The following ADD3 variants were observed in gnomAD, a reference collection of about 807,000 sequenced individuals.
ADD3 encodes the protein adducin 3.
A neutral mutation model predicts 80.2 loss-of-function variants in ADD3; 25 were observed. The observed-to-expected ratio is 0.31, with a 90% CI of 0.23 to 0.44. The LOEUF is 0.44. Among genes scored for constraint, ADD3 ranks in the 20% least tolerant of loss-of-function variants. The probability of loss-of-function intolerance (pLI) is 1.00; values close to 1 mark genes in which losing one functional copy is unlikely to be tolerated. For missense variants in ADD3, 829 were observed against 847.5 expected, an observed-to-expected ratio of 0.98 and a Z score of 0.27; for synonymous variants, 284 against 289.6, an observed-to-expected ratio of 0.98 and a Z score of 0.20.
intron 1 of ADD3, among the ~76,000 whole-genome samples, chr10:110,056,850 C>G (rs907214467): frequency 6.6e-6 from 1 of 152,122 alleles, no homozygotes; most frequent in Non-Finnish European, 1.5e-5. Flanking sequence ...GCACCTGGAG[C>G]AAAGGAAAAA....
chr10:110,099,397 C>T (rs1170966742), intron 1 of ADD3, among the ~76,000 whole-genome samples: 1 of 152,180 alleles, frequency 6.6e-6, no homozygotes, highest in African/African-American at 2.4e-5. Context: ...TTTCCTACCC[C>T]TTCTCCCTTC....
chr10:110,044,372 A>G (rs930846928), intron 1 of ADD3, among the ~76,000 whole-genome samples: 1 of 152,220 alleles, frequency 6.6e-6, no homozygotes, highest in Non-Finnish European at 1.5e-5. Context: ...AGTGAGAATC[A>G]TATATTTTTA....
intron 12 of ADD3, among the ~76,000 whole-genome samples, chr10:110,128,582 A>AT (rs112957764): frequency 1.3e-5 from 2 of 151,328 alleles, no homozygotes; most frequent in African/African-American, 4.9e-5. Context: ...TGCCCGACTA[A>AT]TTTTTTTTGT....
At chr10:110,044,080 G>A (rs1461446870) in intron 1 of ADD3, among the ~76,000 whole-genome samples, 1 of 152,166 alleles carries the variant, frequency 6.6e-6, no homozygotes, top group Non-Finnish European at 1.5e-5. Flanking sequence ...ACACACGCCT[G>A]TAGTCCCAGC....
intron 1 of ADD3, among the ~76,000 whole-genome samples, chr10:110,057,809 T>G (rs1858392264): frequency 6.6e-6 from 1 of 152,228 alleles, no homozygotes; most frequent in South Asian, 2.1e-4. Flanking sequence ...ATCACTGTAA[T>G]TTAAAGAATA....
intron 11 of ADD3, 127 bp downstream of exon 11, chr10:110,126,072 G>A: frequency 2.0e-6 from 2 of 1,009,080 alleles, no homozygotes; most frequent in Admixed American, 5.5e-5. Flanking sequence ...ATTTAATTCA[G>A]TATAATTTTA....
chr10:110,087,953 G>A (rs1374376136), intron 1 of ADD3, among the ~76,000 whole-genome samples: 1 of 152,116 alleles, frequency 6.6e-6, no homozygotes, highest in African/African-American at 2.4e-5. Flanking sequence ...TCTATTCCAT[G>A]CCCCTCCCCG....
intron 1 of ADD3, among the ~76,000 whole-genome samples, chr10:110,026,000 T>C (rs751327806): frequency 5.9e-5 from 9 of 151,702 alleles, no homozygotes; most frequent in Non-Finnish European, 1.3e-4. Context: ...GTCAGGATCT[T>C]TCTTGTTTTC....
intron 6 of ADD3, 82 bp downstream of exon 6, chr10:110,118,818 T>C (rs1199874261): frequency 7.3e-6 from 10 of 1,369,428 alleles, no homozygotes; most frequent in Admixed American, 2.1e-5. Flanking sequence ...TGCTTTACTA[T>C]CTGCTTTTCA....
intron 1 of ADD3, among the ~76,000 whole-genome samples, chr10:109,999,773 C>T (rs896183319): frequency 5.3e-5 from 8 of 151,956 alleles, no homozygotes; most frequent in South Asian, 2.1e-4. Flanking sequence ...AATATTGATA[C>T]GACAGTTATT....
Position 110,104,300 on chromosome 10 carries a change from TG to T in ADD3, c.195+3454del, listed in dbSNP as rs1849176551. Among the ~76,000 whole-genome samples, 6 of 152,332 alleles carry T rather than the reference TG, an allele frequency of 3.9e-5. No homozygotes were observed. In the South Asian group the frequency reaches 1.2e-3, roughly 32 times the overall value. On this transcript the variant is annotated intron_variant, in intron 2 of 14. Coordinates refer to ENST00000356080, the MANE Select transcript of ADD3 (RefSeq NM_016824.5). ...ACTATTTACCAGGACTGAACCTCCC[TG>T]GTGCTTGGCTCTGCCCACTAGGTTC...
chr10:110,032,987 TAA>T (rs1168861507), intron 1 of ADD3, among the ~76,000 whole-genome samples: 1 of 152,212 alleles, frequency 6.6e-6, no homozygotes, highest in Non-Finnish European at 1.5e-5. Flanking sequence ...CTAGGCTTTA[TAA>T]AAGAGACAGT....
intron 1 of ADD3, among the ~76,000 whole-genome samples, chr10:110,011,011 C>A (rs745388785): frequency 6.6e-6 from 1 of 152,042 alleles, no homozygotes; most frequent in African/African-American, 2.4e-5. Context: ...TCTTTTGATA[C>A]ACAACATATG....
intron 1 of ADD3, among the ~76,000 whole-genome samples, chr10:110,019,331 A>G (rs1340890430): frequency 1.3e-5 from 2 of 149,046 alleles, no homozygotes; most frequent in African/African-American, 4.9e-5. Flanking sequence ...TATTCAAGAC[A>G]TTTTGAGCAA....
intron 1 of ADD3, among the ~76,000 whole-genome samples, chr10:110,098,696 C>A (rs577590134): frequency 1.3e-5 from 2 of 151,778 alleles, no homozygotes; most frequent in South Asian, 4.2e-4. Flanking sequence ...ATGGCGTGAT[C>A]TCAGCTCACT....
chr10:110,020,932 A>G (rs1319018833), intron 1 of ADD3, among the ~76,000 whole-genome samples: 1 of 152,230 alleles, frequency 6.6e-6, no homozygotes, highest in Admixed American at 6.5e-5. Flanking sequence ...AGTTTGAGAC[A>G]TTCATTTGAA....
chr10:110,042,228 A>G (rs1406788828), intron 1 of ADD3, among the ~76,000 whole-genome samples: 4 of 152,242 alleles, frequency 2.6e-5, no homozygotes, highest in African/African-American at 4.8e-5. Flanking sequence ...AACTAGTGCC[A>G]CTTTAAGAAA....
chr10:110,079,618 C>T (rs189177440), intron 1 of ADD3, among the ~76,000 whole-genome samples: 55 of 151,842 alleles, frequency 3.6e-4, no homozygotes, highest in Middle Eastern at 3.4e-3. Flanking sequence ...TATAGTGGCG[C>T]GATCTTGGCT....
chr10:110,033,165 G>T lies in ADD3; in HGVS notation c.-30+24866G>T, dbSNP rs182015241. Among the ~76,000 whole-genome samples the T allele has an allele frequency of 2.8e-4, 42 of 152,298 alleles. 1 individual carries two copies. The highest frequency in any genetic ancestry group is 5.2e-4 in the Admixed American group (8 of 15,298). ...ACCCTGTTGAATGGCTTTACAAAAAGAAGATTTTGATATATTCATAGTAAT... is the reference window on the plus strand; with the variant it reads ...ACCCTGTTGAATGGCTTTACAAAAATAAGATTTTGATATATTCATAGTAAT... On this transcript the variant is annotated intron_variant, in intron 1 of 14. Transcript: ENST00000356080.
Sources: allele counts gnomAD v4.1 joint callset (sites outside exome capture counted in the v4.1 genomes callset), GRCh38; gene constraint gnomAD v4.1.1; transcripts MANE v1.5; gene names NCBI Gene and HGNC (gene_info 2026-07-23, HGNC 2026-07-21).